PCDHGA3: variants seen among roughly 807,000 people sequenced by gnomAD.
PCDHGA3 encodes protocadherin gamma subfamily A, 3.
In PCDHGA3, 40 loss-of-function variants were observed where a neutral mutation model predicts 58.5. The observed-to-expected ratio is 0.68, with a 90% CI of 0.53 to 0.89. The LOEUF is 0.89. PCDHGA3 is among the 40% of genes least tolerant of loss of function. PCDHGA3 has a pLI of 0.00. For missense variants in PCDHGA3, 1,223 were observed against 1,195.9 expected, an observed-to-expected ratio of 1.02 and a Z score of -0.33; for synonymous variants, 530 against 525.7, an observed-to-expected ratio of 1.01 and a Z score of -0.11.
chr5:141,385,131 C>A lies in PCDHGA3; in HGVS notation c.2424+38674C>A, dbSNP rs371376308. Reference sequence around the variant, plus strand: ...CCACCTCGCACTTTGTGGGCATGGACGGGGTGCAGGCTTTCCTGCAGACCT... The same window carrying A: ...CCACCTCGCACTTTGTGGGCATGGAAGGGGTGCAGGCTTTCCTGCAGACCT... On this transcript the variant is annotated intron_variant, in intron 1 of 3. Transcript: ENST00000253812. The A allele has an allele frequency of 1.2e-6, 2 of 1,614,200 alleles. No homozygotes were observed. Among genetic ancestry groups the A allele is most frequent in the Non-Finnish European group, 1.7e-6 (2 of 1,180,056 alleles).
In PCDHGA3 at chr5:141,361,401, C is replaced by T; in HGVS notation, c.2424+14944C>T. ...AGATCCCAGAATACAATCTCACCAT[C>T]ACAGCCACCGACGGGGGCAAGCCGC... On this transcript the variant is annotated intron_variant, in intron 1 of 3. Transcript: ENST00000253812. 5 of 1,614,008 alleles carry T rather than the reference C, an allele frequency of 3.1e-6. No homozygotes were observed. In the South Asian group the frequency reaches 4.4e-5, roughly 14 times the overall value.
Position 141,410,164 on chromosome 5 carries a change from C to T in PCDHGA3, c.2424+63707C>T, listed in dbSNP as rs756470415. The T allele has an allele frequency of 4.4e-5, 71 of 1,613,642 alleles. No homozygotes were observed. The highest frequency in any genetic ancestry group is 5.8e-5 in the Non-Finnish European group (69 of 1,179,812). On this transcript the variant is annotated intron_variant, in intron 1 of 3. Transcript: ENST00000253812. ...TGCGTGACGGTGGACAGCCGCCACTCTCTGCCACCGCCACGCTTCATCTGG... is the reference window on the plus strand; with the variant it reads ...TGCGTGACGGTGGACAGCCGCCACTTTCTGCCACCGCCACGCTTCATCTGG...
At chr5:141,464,682 T>C (rs1442997972) in intron 1 of PCDHGA3, among the ~76,000 whole-genome samples, 1 of 152,132 alleles carries the variant, frequency 6.6e-6, no homozygotes, top group Non-Finnish European at 1.5e-5. Flanking sequence ...TTAATTAAAA[T>C]TTCTCTTATT....
At chr5:141,388,195 T>C in intron 1 of PCDHGA3, 1 of 1,563,830 alleles carries the variant, frequency 6.4e-7, no homozygotes, top group Non-Finnish European at 8.8e-7. Flanking sequence ...GCTTGTGCTC[T>C]GGAATTTGAG....
intron 1 of PCDHGA3, chr5:141,403,495 C>A: frequency 6.2e-7 from 1 of 1,614,014 alleles, no homozygotes; most frequent in Non-Finnish European, 8.5e-7. Context: ...TCTCCCTGAA[C>A]GTGCAGACTG....
chr5:141,410,712 T>C (rs776042818), intron 1 of PCDHGA3: 2 of 1,437,800 alleles, frequency 1.4e-6, no homozygotes, highest in Non-Finnish European at 1.9e-6. Context: ...TCTAGAATCA[T>C]ATGTTTAAAA....
At position 141,492,138 on chromosome 5, in the gene PCDHGA3, T is replaced by C. The variant is rs577884713; in HGVS notation, c.2425-2669T>C. ...ATTTCTCCCCAGCTCCCAGCATCTG[T>C]GACTTCACTGTTACCCTCCCTATCC... On this transcript the variant is annotated intron_variant, in intron 1 of 3. Coordinates refer to ENST00000253812, the MANE Select transcript of PCDHGA3 (RefSeq NM_018916.4). 2.4e-3 allele frequency among the ~76,000 whole-genome samples: 366 copies of C among 152,312 alleles called. 1 individual carries two copies. Among genetic ancestry groups the C allele is most frequent in the Non-Finnish European group, 3.5e-3 (238 of 68,014 alleles).
chr5:141,370,217 G>A, intron 1 of PCDHGA3: 2 of 562,852 alleles, frequency 3.6e-6, no homozygotes, highest in East Asian at 5.9e-5. Context: ...GGCTCCTCCC[G>A]CTGCAGCCAG....
chr5:141,362,584 T>A (rs781004756), intron 1 of PCDHGA3: 17 of 1,598,970 alleles, frequency 1.1e-5, no homozygotes, highest in Non-Finnish European at 1.4e-5. Context: ...TATTTTCACT[T>A]CTGGTTTTAT....
intron 1 of PCDHGA3, chr5:141,413,382 CAT>C (rs752944261): frequency 2.5e-6 from 4 of 1,613,998 alleles, no homozygotes; most frequent in Non-Finnish European, 3.4e-6. Flanking sequence ...GCGGAGTCCG[CAT>C]AGTCTCCAGA....
At chr5:141,405,094 C>T (rs1289372327) in intron 1 of PCDHGA3, 4 of 1,613,840 alleles carry the variant, frequency 2.5e-6, no homozygotes, top group Non-Finnish European at 3.4e-6. Flanking sequence ...TGCTGGCCCT[C>T]AGGCTGAGGC....
At chr5:141,463,438 CTTTTTTTTTTTTTT>C (rs71576115) in intron 1 of PCDHGA3, among the ~76,000 whole-genome samples, 7 of 103,256 alleles carry the variant, frequency 6.8e-5, no homozygotes, top group Non-Finnish European at 9.4e-5. Flanking sequence ...TTTCCTTCTC[CTTTTTTTTTTTTTT>C]TTTTTTTTTT....
intron 1 of PCDHGA3, among the ~76,000 whole-genome samples, chr5:141,362,987 G>T (rs191534740): frequency 1.3e-5 from 2 of 152,326 alleles, no homozygotes; most frequent in Admixed American, 6.5e-5. Context: ...TTTGCATAAT[G>T]GCATGGCTTG....
chr5:141,375,266 GA>G (rs1771293151), intron 1 of PCDHGA3: 1 of 1,613,846 alleles, frequency 6.2e-7, no homozygotes. Flanking sequence ...ATTTGAATTG[GA>G]AAAATCAGTT....
intron 1 of PCDHGA3, chr5:141,366,034 C>T (rs1764274973): frequency 2.5e-6 from 4 of 1,614,144 alleles, no homozygotes; most frequent in Non-Finnish European, 2.5e-6. Flanking sequence ...CCGCCCTCCC[C>T]ACAGACGGTT....
At chr5:141,423,510 TGCGGACTC>T in intron 1 of PCDHGA3, 1 of 1,613,792 alleles carries the variant, frequency 6.2e-7, no homozygotes, top group South Asian at 1.1e-5. Context: ...TCTCTCTCAT[TGCGGACTC>T]GCAGAAGAGT....
In PCDHGA3 at chr5:141,432,143, C is replaced by G; in HGVS notation, c.2425-62664C>G. 2 of 1,614,084 alleles carry G rather than the reference C, an allele frequency of 1.2e-6. No homozygotes were observed. Among genetic ancestry groups the G allele is most frequent in the Non-Finnish European group, 1.7e-6 (2 of 1,180,006 alleles). Reference sequence around the variant, plus strand: ...TCAGGCCTCCTATTCCGCTTATATCCCAGAGAACAATCCCAGAGGAGTTTC... The same window carrying G: ...TCAGGCCTCCTATTCCGCTTATATCGCAGAGAACAATCCCAGAGGAGTTTC... On this transcript the variant is annotated intron_variant, in intron 1 of 3. Coordinates refer to ENST00000253812, the MANE Select transcript of PCDHGA3 (RefSeq NM_018916.4). This position sits in a 1 kb window ranked among gnomAD's most constrained non-coding sequence, Gnocchi z 6.0.
chr5:141,448,915 A>T (rs2098616551), intron 1 of PCDHGA3, among the ~76,000 whole-genome samples: 1 of 152,238 alleles, frequency 6.6e-6, no homozygotes. Context: ...ACTGCACTCC[A>T]GCCTGGGCGA....
intron 2 of PCDHGA3, among the ~76,000 whole-genome samples, chr5:141,501,287 TTA>T (rs1491235092): frequency 6.2e-5 from 6 of 96,980 alleles, no homozygotes; most frequent in African/African-American, 2.5e-4. Context: ...GGATATTCCC[TTA>T]TACACACACA....
Sources: allele counts gnomAD v4.1 joint callset (sites outside exome capture counted in the v4.1 genomes callset), GRCh38; gene constraint gnomAD v4.1.1; non-coding constraint Gnocchi (gnomAD v3.1); transcripts MANE v1.5; gene names NCBI Gene and HGNC (gene_info 2026-07-23, HGNC 2026-07-21).